COQ5: variants seen among roughly 807,000 people sequenced by gnomAD.
The protein encoded by COQ5 is 2-methoxy-6-polyprenyl-1,4-benzoquinol methylase, mitochondrial.
COQ5 carries 27 observed loss-of-function variants against 40.5 expected under a neutral mutation model. The observed-to-expected ratio is 0.67, with a 90% confidence interval of 0.49 to 0.92. The LOEUF is 0.92. COQ5 is among the 40% of genes least tolerant of loss of function. The pLI, the probability that COQ5 is intolerant of heterozygous loss-of-function variation, is 0.00. For missense variants in COQ5, 409 were observed against 406.4 expected (o/e 1.01, Z -0.06); for synonymous variants, 141 against 150.0 (o/e 0.94, Z 0.44).
intron 4 of COQ5, 184 bp downstream of exon 4, chr12:120,509,833 C>A (rs561238249): frequency 3.3e-6 from 2 of 614,450 alleles, no homozygotes; most frequent in East Asian, 3.0e-5. Context: ...TTCCTGTAAT[C>A]CCAGCTACTT....
At position 120,503,308 on chromosome 12, in the gene COQ5, C is replaced by T. The variant is rs1480356590; in HGVS notation, c.*476G>A. ...AAGGTAAACTCGTTTACTGGTTCAGCACACAATTCTCATGATCATTAATAC... is the reference window on the plus strand; with the variant it reads ...AAGGTAAACTCGTTTACTGGTTCAGTACACAATTCTCATGATCATTAATAC... On this transcript the variant is annotated 3_prime_UTR_variant, in exon 7 of 7. Transcript: ENST00000288532. The T allele has an allele frequency of 3.2e-6, 1 of 314,238 alleles. No individual in the cohort carries two copies. Among genetic ancestry groups the T allele is most frequent in the Non-Finnish European group, 6.4e-6 (1 of 157,458 alleles). 19.5% of individuals were successfully genotyped at this position (314,238 alleles called of 1,614,324 possible).
rs774261395 is a variant in COQ5 at position 120,503,838 on chromosome 12, A to C, written c.930T>G (p.Thr310=). The C allele has an allele frequency of 6.2e-7, 1 of 1,614,084 alleles. No homozygotes were observed. The highest frequency in any genetic ancestry group is 2.2e-5 in the East Asian group (1 of 44,900). Residue 310 remains threonine (T), a synonymous_variant, in exon 7 of 7, where the codon ACT becomes ACG. Coordinates refer to ENST00000288532, the MANE Select transcript of COQ5 (RefSeq NM_032314.4). ...CAATGCCTGATGTTAGACTTTCGTA[A>C]GTCACCTTGTGAAAGCCTGCATCTT... ...MIEDAGFHKV[T]YESLTSGIVA...
At chr12:120,519,857 C>T (rs967853047) in intron 2 of COQ5, among the ~76,000 whole-genome samples, 2 of 117,622 alleles carry the variant, frequency 1.7e-5, no homozygotes, top group South Asian at 5.9e-4. Context: ...GCAACAAGAA[C>T]GAGACTTGGA....
At chr12:120,511,722 T>C (rs896945769) in intron 3 of COQ5, among the ~76,000 whole-genome samples, 12 of 152,222 alleles carry the variant, frequency 7.9e-5, no homozygotes, top group African/African-American at 2.7e-4. Context: ...TATCACCTCC[T>C]AGTACGAAGT....
chr12:120,516,189 C>T (rs898662373), intron 3 of COQ5, among the ~76,000 whole-genome samples: 1 of 152,174 alleles, frequency 6.6e-6, no homozygotes, highest in Non-Finnish European at 1.5e-5. Flanking sequence ...GGGAATGATA[C>T]ACCGAAGTCA....
At chr12:120,518,448 C>G (rs753578053) in intron 2 of COQ5, among the ~76,000 whole-genome samples, 3 of 143,762 alleles carry the variant, frequency 2.1e-5, no homozygotes, top group Non-Finnish European at 1.5e-5. Flanking sequence ...AAAAAAAAAG[C>G]TGTTTCCTTG....
chr12:120,505,941 C>T (rs577766808), intron 4 of COQ5, among the ~76,000 whole-genome samples: 2 of 151,820 alleles, frequency 1.3e-5, no homozygotes, highest in African/African-American at 2.4e-5. Context: ...CTGCAACCTC[C>T]ACCTCCCGGG....
In COQ5 at chr12:120,503,715, C is replaced by T; in HGVS notation, c.*69G>A. Reference sequence around the variant, plus strand: ...AGATGCTCTGCTGCTGTCTCATTTGCCAGATTATCCTTCAGTTCCAGGCTT... The same window carrying T: ...AGATGCTCTGCTGCTGTCTCATTTGTCAGATTATCCTTCAGTTCCAGGCTT... On this transcript the variant is annotated 3_prime_UTR_variant, in exon 7 of 7. Transcript: ENST00000288532. The T allele has an allele frequency of 4.3e-6, 5 of 1,167,456 alleles. No individual in the cohort carries two copies. Among genetic ancestry groups the T allele is most frequent in the Non-Finnish European group, 6.4e-6 (5 of 778,304 alleles). The allele number at this position is 1,167,456 out of a possible 1,614,324, so 72.3% of individuals were successfully genotyped here.
At position 120,516,643 on chromosome 12, in the gene COQ5, A is replaced by G. The variant is rs1869383590; in HGVS notation, c.498T>C (p.Arg166=). 1.9e-6 allele frequency: 3 copies of G among 1,614,042 alleles called. No individual in the cohort carries two copies. The highest frequency in any genetic ancestry group is 2.5e-6 in the Non-Finnish European group (3 of 1,180,028). ...CCTTGTTGATGTCACACACCACGAC[A>G]CGAGACCCGCCCAAGGAATCTTCTT... ...QNEEDSLGGS[R]VVVCDINKEM... The change falls in exon 3 of 7, where the codon CGT becomes CGC. Residue 166 remains arginine (R), a synonymous_variant. Transcript: ENST00000288532.
chr12:120,518,120 C>A (rs552907490), intron 2 of COQ5, among the ~76,000 whole-genome samples: 8 of 152,038 alleles, frequency 5.3e-5, no homozygotes, highest in African/African-American at 1.9e-4. Context: ...TATTTCCTTT[C>A]TTATAATGCT....
At chr12:120,509,870 G>A (rs549799212) in intron 4 of COQ5, 147 bp downstream of exon 4, 2 of 686,164 alleles carry the variant, frequency 2.9e-6, no homozygotes, top group African/African-American at 3.5e-5. Context: ...AGGACTGCTT[G>A]AGCCCAGGAG....
intron 1 of COQ5, among the ~76,000 whole-genome samples, chr12:120,525,835 G>A (rs1869912099): frequency 6.6e-6 from 1 of 152,144 alleles, no homozygotes; most frequent in Admixed American, 6.6e-5. Context: ...TGAGGCAGGA[G>A]AATGGCATGA....
At position 120,521,564 on chromosome 12, in the gene COQ5, T is replaced by C. The variant is rs527475778; in HGVS notation, c.352+650A>G. 4.6e-5 allele frequency among the ~76,000 whole-genome samples: 7 copies of C among 151,700 alleles called. No homozygotes were observed. The East Asian group carries it at 1.4e-3, about 30-fold the overall frequency. ...GGTGGTGCATGCCTATAATCCCAGC[T>C]ACTCAGGAGGCTGAGGCAGAGAATT... is the stretch of plus-strand genomic sequence containing the variant. On this transcript the variant is annotated intron_variant, in intron 2 of 6. Coordinates refer to ENST00000288532, the MANE Select transcript of COQ5 (RefSeq NM_032314.4).
chr12:120,509,119 A>G (rs186727488), intron 4 of COQ5, among the ~76,000 whole-genome samples: 5 of 152,296 alleles, frequency 3.3e-5, no homozygotes, highest in Admixed American at 6.5e-5. Flanking sequence ...CACCATAAAG[A>G]ACTTACCACT....
intron 2 of COQ5, among the ~76,000 whole-genome samples, chr12:120,521,828 C>A (rs143777727): frequency 6.6e-6 from 1 of 152,022 alleles, no homozygotes; most frequent in Non-Finnish European, 1.5e-5. Context: ...GAAACCCCGT[C>A]TCTACTAAAA....
At chr12:120,518,991 T>A (rs575399548) in intron 2 of COQ5, among the ~76,000 whole-genome samples, 1 of 152,368 alleles carries the variant, frequency 6.6e-6, no homozygotes, top group East Asian at 1.9e-4. Flanking sequence ...TTTAAAAACA[T>A]AAACAGGGAT....
intron 5 of COQ5, among the ~76,000 whole-genome samples, chr12:120,504,380 GAT>G (rs1042284010): frequency 6.0e-4 from 86 of 144,502 alleles, no homozygotes; most frequent in African/African-American, 2.0e-3. Flanking sequence ...TGGAAATTCA[GAT>G]TTTTATGGAA....
chr12:120,526,228 TTGTATTG>T (rs1869936401), intron 1 of COQ5, among the ~76,000 whole-genome samples: 1 of 152,226 alleles, frequency 6.6e-6, no homozygotes, highest in Non-Finnish European at 1.5e-5. Flanking sequence ...AAGCATGTAC[TTGTATTG>T]CCTCTTTATC....
intron 4 of COQ5, among the ~76,000 whole-genome samples, 197 bp from the exon 5 acceptor site, chr12:120,505,180 G>T (rs544439897): frequency 6.6e-6 from 1 of 152,182 alleles, no homozygotes; most frequent in Non-Finnish European, 1.5e-5. Context: ...TCTGCTGCCG[G>T]TGACTAGACA....
Sources: gnomAD v4.1 joint callset for allele counts (sites outside exome capture counted in the v4.1 genomes callset) on GRCh38, gnomAD v4.1.1 for gene constraint, MANE v1.5 for transcripts, NCBI Gene and HGNC (gene_info 2026-07-23, HGNC 2026-07-21) for gene names.